Variants in MLIP observed in about 807,000 individuals in gnomAD.
MLIP encodes muscular LMNA-interacting protein.
Under a neutral mutation model 84.8 loss-of-function variants are expected in MLIP, and 79 were observed. The ratio of observed to expected loss-of-function variants is 0.93; its 90% confidence interval spans 0.78 to 1.12. The LOEUF (loss-of-function observed/expected upper bound fraction) is 1.12, where lower values mean the gene tolerates loss of function less well. Among genes scored for constraint, MLIP ranks in the 50% most tolerant of loss-of-function variants. MLIP has a pLI of 0.00. For missense variants in MLIP, 1,257 were observed against 1,160.6 expected (o/e 1.08, Z -1.21); for synonymous variants, 504 against 463.0 (o/e 1.09, Z -1.14).
At chr6:54,097,567 C>T (rs929234804) in intron 1 of MLIP, among the ~76,000 whole-genome samples, 14 of 152,148 alleles carry the variant, frequency 9.2e-5, no homozygotes, top group Admixed American at 2.6e-4. Flanking sequence ...AAGCTAAAAT[C>T]TAGTGTCTTG....
chr6:54,127,074 C>T (rs893462548), intron 3 of MLIP, among the ~76,000 whole-genome samples: 9 of 152,164 alleles, frequency 5.9e-5, no homozygotes, highest in Admixed American at 2.0e-4. Flanking sequence ...ATGCTTCCTT[C>T]TTTCCCTAGC....
At chr6:54,136,003 A>G (rs1771768652) in intron 3 of MLIP, among the ~76,000 whole-genome samples, 1 of 152,166 alleles carries the variant, frequency 6.6e-6, no homozygotes, top group South Asian at 2.1e-4. Flanking sequence ...TTCTTTTGAC[A>G]CAAAAGAGAG....
At chr6:54,129,694 C>T (rs1473732957) in intron 3 of MLIP, among the ~76,000 whole-genome samples, 1 of 152,074 alleles carries the variant, frequency 6.6e-6, no homozygotes, top group East Asian at 1.9e-4. Flanking sequence ...GGAGGACTAG[C>T]TTGGAATGCC....
chr6:54,044,542 G>A (rs1421294499), intron 1 of MLIP, among the ~76,000 whole-genome samples: 1 of 152,026 alleles, frequency 6.6e-6, no homozygotes, highest in Non-Finnish European at 1.5e-5. Flanking sequence ...AGGCCCTTGT[G>A]TATTGTTGTT....
intron 1 of MLIP, among the ~76,000 whole-genome samples, chr6:54,048,369 C>T (rs1373859812): frequency 6.6e-6 from 1 of 152,076 alleles, no homozygotes; most frequent in Non-Finnish European, 1.5e-5. Context: ...ATGACAGATA[C>T]AGGGCTGGGA....
intron 1 of MLIP, among the ~76,000 whole-genome samples, chr6:54,033,145 C>G (rs1416961371): frequency 6.6e-6 from 1 of 151,986 alleles, no homozygotes; most frequent in Non-Finnish European, 1.5e-5. Flanking sequence ...TGATGATGAT[C>G]ATGATATAGA....
chr6:54,096,544 T>A (rs1275355469), intron 1 of MLIP, among the ~76,000 whole-genome samples: 3 of 152,110 alleles, frequency 2.0e-5, no homozygotes, highest in Non-Finnish European at 2.9e-5. Flanking sequence ...TGGTGAAGCC[T>A]TGGCTACTTT....
At chr6:54,074,243 G>C (rs924803610) in intron 1 of MLIP, among the ~76,000 whole-genome samples, 1 of 152,136 alleles carries the variant, frequency 6.6e-6, no homozygotes, top group Non-Finnish European at 1.5e-5. Flanking sequence ...TAGCACTTCT[G>C]AGTGCTCAGC....
intron 11 of MLIP, among the ~76,000 whole-genome samples, chr6:54,229,649 CT>C (rs1780840821): frequency 1.3e-5 from 2 of 152,168 alleles, no homozygotes. Context: ...CATTAGTTTG[CT>C]GAGGATAATG....
intron 12 of MLIP, among the ~76,000 whole-genome samples, chr6:54,250,673 A>G (rs1441846916): frequency 2.0e-5 from 3 of 152,110 alleles, no homozygotes; most frequent in Non-Finnish European, 4.4e-5. Flanking sequence ...CTCTGTCCTC[A>G]GTTTCTGACA....
At chr6:54,105,457 C>T (rs1461098726) in intron 1 of MLIP, among the ~76,000 whole-genome samples, 2 of 152,188 alleles carry the variant, frequency 1.3e-5, no homozygotes, top group African/African-American at 4.8e-5. Flanking sequence ...AGTTCACTTT[C>T]AGTCAAAAAG....
intron 11 of MLIP, among the ~76,000 whole-genome samples, chr6:54,219,847 A>T (rs769234599): frequency 6.6e-6 from 1 of 152,210 alleles, no homozygotes; most frequent in Non-Finnish European, 1.5e-5. Flanking sequence ...TCAGTTGGCC[A>T]TTCCTTAAGC....
rs193150650 is a variant in MLIP at position 54,060,418 on chromosome 6, A to G, written c.63+41327A>G. 2.2e-4 allele frequency among the ~76,000 whole-genome samples: 33 copies of G among 152,316 alleles called. 1 individual carries two copies. In the East Asian group the frequency reaches 4.0e-3, roughly 19 times the overall value. Reference sequence around the variant, plus strand: ...TTGGCCTTTCACTGTTACAACCAGCATTCCTAAATGTCTTCAAGGGGCTAG... The same window carrying G: ...TTGGCCTTTCACTGTTACAACCAGCGTTCCTAAATGTCTTCAAGGGGCTAG... On this transcript the variant is annotated intron_variant, in intron 1 of 12. Transcript: ENST00000274897.
intron 1 of MLIP, among the ~76,000 whole-genome samples, chr6:54,076,372 T>G (rs1766804157): frequency 6.6e-6 from 1 of 152,196 alleles, no homozygotes; most frequent in Non-Finnish European, 1.5e-5. Context: ...CAAACCAGAC[T>G]GATGTCTCTG....
At chr6:54,109,431 G>C (rs1004091093), upstream of MLIP, among the ~76,000 whole-genome samples, 1 of 152,106 alleles carries the variant, frequency 6.6e-6, no homozygotes, top group Non-Finnish European at 1.5e-5. Flanking sequence ...CAGGTGAGAG[G>C]ACTGAGCCTT....
chr6:54,153,589 T>A (rs1226690133), intron 5 of MLIP, among the ~76,000 whole-genome samples: 2 of 152,126 alleles, frequency 1.3e-5, no homozygotes, highest in Non-Finnish European at 2.9e-5. Context: ...GGCTCATGCC[T>A]GTAATCCCAG....
At chr6:54,231,115 A>T (rs1258121737) in intron 12 of MLIP, among the ~76,000 whole-genome samples, 198 bp downstream of exon 12, 1 of 148,602 alleles carries the variant, frequency 6.7e-6, no homozygotes, top group Non-Finnish European at 1.5e-5. Context: ...GGGAAATAAT[A>T]AACATTTATA....
chr6:54,180,347 A>C (rs1347144114), intron 9 of MLIP, among the ~76,000 whole-genome samples: 1 of 152,084 alleles, frequency 6.6e-6, no homozygotes, highest in Non-Finnish European at 1.5e-5. Context: ...CCTGTACTTG[A>C]ATATTGATAT....
intron 4 of MLIP, among the ~76,000 whole-genome samples, chr6:54,146,859 A>G (rs542670421): frequency 6.6e-6 from 1 of 152,304 alleles, no homozygotes; most frequent in South Asian, 2.1e-4. Flanking sequence ...ATTTGTAGAT[A>G]TGTGCATAGT....
Sources: allele counts gnomAD v4.1 joint callset (sites outside exome capture counted in the v4.1 genomes callset), GRCh38; gene constraint gnomAD v4.1.1; transcripts MANE v1.5; gene names NCBI Gene and HGNC (gene_info 2026-07-23, HGNC 2026-07-21).